The following SLC24A2 variants were observed in gnomAD, a reference collection of about 807,000 sequenced individuals.
The protein encoded by SLC24A2 is solute carrier family 24 member 2, also known as sodium/potassium/calcium exchanger 2.
SLC24A2 carries 36 observed loss-of-function variants against 62.0 expected under a neutral mutation model. That is an observed-to-expected ratio of 0.58 (90% CI 0.44 to 0.77). The LOEUF (loss-of-function observed/expected upper bound fraction) is 0.77. Among genes scored for constraint, SLC24A2 ranks in the 30% least tolerant of loss-of-function variants. The pLI, the probability that SLC24A2 is intolerant of heterozygous loss-of-function variation, is 0.00. For missense variants in SLC24A2, 846 were observed against 817.9 expected (o/e 1.03, Z -0.42); for synonymous variants, 358 against 294.0 (o/e 1.22, Z -2.23).
chr9:20,197,256 G>T, the SLC24A2 span, among the ~76,000 whole-genome samples: 1 of 152,034 alleles, frequency 6.6e-6, no homozygotes, highest in South Asian at 2.1e-4. Context: ...TTGCCAAATT[G>T]TTTTCCAAAC....
intron 2 of SLC24A2, among the ~76,000 whole-genome samples, chr9:19,652,093 C>CT (rs1818817641): frequency 6.6e-6 from 1 of 152,146 alleles, no homozygotes; most frequent in South Asian, 2.1e-4. Flanking sequence ...CTTTTTGAAT[C>CT]TTTATTGTTA....
intron 4 of SLC24A2, among the ~76,000 whole-genome samples, chr9:19,608,737 G>T (rs1837059090): frequency 6.6e-6 from 1 of 151,626 alleles, no homozygotes; most frequent in South Asian, 2.1e-4. Context: ...CATCTCTGAG[G>T]CCCTTAGTTT....
intron 7 of SLC24A2, among the ~76,000 whole-genome samples, chr9:19,552,273 C>G (rs1834882605): frequency 1.3e-5 from 2 of 152,166 alleles, no homozygotes; most frequent in Admixed American, 1.3e-4. Flanking sequence ...ATATCATTCC[C>G]TATTGGGCTC....
intron 3 of SLC24A2, among the ~76,000 whole-genome samples, chr9:19,620,626 C>T (rs1301552479): frequency 6.6e-6 from 1 of 152,182 alleles, no homozygotes; most frequent in East Asian, 1.9e-4. Flanking sequence ...AACTCCCAAA[C>T]CCTCTGTATT....
intron 2 of SLC24A2, among the ~76,000 whole-genome samples, chr9:19,758,409 TGGAGCAGGAAAGGA>T (rs74931470): frequency 0.19 from 28,661 of 152,126 alleles, 3,262 homozygotes; most frequent in South Asian, 0.34. Flanking sequence ...AGCCCTTCTC[TGGAGCAGGAAAGGA>T]GGAACAACCA....
chr9:19,832,984 G>GA, the SLC24A2 span, among the ~76,000 whole-genome samples: 3,160 of 152,206 alleles, frequency 0.021, 35 homozygotes, highest in Middle Eastern at 0.037. Flanking sequence ...AAAGACACAT[G>GA]AAAAAATGCT....
intron 8 of SLC24A2, among the ~76,000 whole-genome samples, chr9:19,539,554 A>C (rs1162852924): frequency 1.6e-5 from 2 of 125,006 alleles, no homozygotes; most frequent in Admixed American, 1.7e-4. Context: ...GTTTGATTGC[A>C]CTGTGGTCTG....
At chr9:19,974,835 G>T in the SLC24A2 span, among the ~76,000 whole-genome samples, 77 of 152,278 alleles carry the variant, frequency 5.1e-4, no homozygotes, top group African/African-American at 1.5e-3. Flanking sequence ...ATATGCAAAG[G>T]CTGCAAAATG....
At chr9:20,214,285 T>C in the SLC24A2 span, among the ~76,000 whole-genome samples, 1 of 152,178 alleles carries the variant, frequency 6.6e-6, no homozygotes, top group East Asian at 1.9e-4. Flanking sequence ...TCTGCTGTAC[T>C]ATATTGCACC....
the SLC24A2 span, among the ~76,000 whole-genome samples, chr9:19,834,446 G>A: frequency 5.3e-5 from 8 of 152,170 alleles, no homozygotes; most frequent in East Asian, 1.9e-4. Context: ...CTCAGTAACC[G>A]ATGCGATCAA....
chr9:19,812,396 A>T, the SLC24A2 span, among the ~76,000 whole-genome samples: 6 of 152,234 alleles, frequency 3.9e-5, no homozygotes, highest in East Asian at 7.7e-4. Flanking sequence ...GGTATTTCCC[A>T]GCAATCTATC....
chr9:19,949,472 C>G, the SLC24A2 span, among the ~76,000 whole-genome samples: 1 of 152,206 alleles, frequency 6.6e-6, no homozygotes, highest in Non-Finnish European at 1.5e-5. Flanking sequence ...TAGTCAAAGG[C>G]TTTCAAGTCT....
chr9:19,820,039 AT>A, the SLC24A2 span, among the ~76,000 whole-genome samples: 1 of 20,674 alleles, frequency 4.8e-5, no homozygotes, highest in Admixed American at 9.7e-4. Context: ...ATATATATAT[AT>A]ACATATATAT....
the SLC24A2 span, among the ~76,000 whole-genome samples, chr9:19,980,284 G>A: frequency 1.3e-5 from 2 of 152,136 alleles, no homozygotes; most frequent in Non-Finnish European, 2.9e-5. Context: ...TCCAGTTAAC[G>A]CTGATAGTGT....
At chr9:20,247,049 C>T in the SLC24A2 span, among the ~76,000 whole-genome samples, 1 of 152,210 alleles carries the variant, frequency 6.6e-6, no homozygotes, top group Non-Finnish European at 1.5e-5. Context: ...TGTGAGACCA[C>T]TTATATCTTG....
At chr9:19,883,040 G>C in the SLC24A2 span, among the ~76,000 whole-genome samples, 1 of 152,142 alleles carries the variant, frequency 6.6e-6, no homozygotes, top group Non-Finnish European at 1.5e-5. Context: ...CTGTGCGTTA[G>C]ATCTCTATTT....
chr9:20,019,659 G>A, the SLC24A2 span, among the ~76,000 whole-genome samples: 4 of 152,100 alleles, frequency 2.6e-5, no homozygotes, highest in African/African-American at 7.2e-5. Context: ...ACATAGGCAT[G>A]GGCAAAGACT....
Position 19,564,741 on chromosome 9 carries a change from T to G in SLC24A2, c.1347+8610A>C, listed in dbSNP as rs184916657. Among the ~76,000 whole-genome samples the G allele has an allele frequency of 6.5e-3, 986 of 152,284 alleles. 4 individuals carry two copies. The highest frequency in any genetic ancestry group is 9.0e-3 in the Non-Finnish European group (614 of 68,022). On this transcript the variant is annotated intron_variant, in intron 7 of 10. Coordinates refer to ENST00000341998, the MANE Select transcript of SLC24A2 (RefSeq NM_020344.4). ...AGCCGTCTCATGCTACATGAAAATG[T>G]AGGACACAGTTTTTAAAAGTTGAAT...
At chr9:20,263,539 T>G in the SLC24A2 span, among the ~76,000 whole-genome samples, 2 of 152,166 alleles carry the variant, frequency 1.3e-5, no homozygotes, top group Non-Finnish European at 2.9e-5. Flanking sequence ...CAGGAACCAC[T>G]GCATCCATCA....
Sources: allele counts gnomAD v4.1 joint callset (sites outside exome capture counted in the v4.1 genomes callset), GRCh38; gene constraint gnomAD v4.1.1; transcripts MANE v1.5; gene names NCBI Gene and HGNC (gene_info 2026-07-23, HGNC 2026-07-21).